The following PCDHA7 variants were observed in gnomAD, a reference collection of about 807,000 sequenced individuals.
PCDHA7 encodes protocadherin alpha 7.
Under a neutral mutation model 57.2 loss-of-function variants are expected in PCDHA7, and 37 were observed. That is an observed-to-expected ratio of 0.65 (90% CI 0.50 to 0.85). The LOEUF (loss-of-function observed/expected upper bound fraction) is 0.85, where lower values mean the gene tolerates loss of function less well. PCDHA7 is among the 40% of genes least tolerant of loss of function. PCDHA7 has a pLI of 0.00. For missense variants in PCDHA7, 1,188 were observed against 1,241.8 expected (o/e 0.96, Z 0.65); for synonymous variants, 553 against 558.8 (o/e 0.99, Z 0.15).
At position 140,835,886 on chromosome 5, in the gene PCDHA7, G is replaced by T. The variant is rs1183512745; in HGVS notation, c.1503G>T (p.Glu501Asp). The change falls in exon 1 of 4, where the codon GAG (glutamate) becomes GAT (aspartate). Residue 501 changes from glutamate (E) to aspartate (D), a missense_variant. Physicochemically the swap from Glu to Asp is conservative, Grantham distance 45. Coordinates refer to ENST00000525929, the MANE Select transcript of PCDHA7 (RefSeq NM_018910.3). Reference sequence around the variant, plus strand: ...CGCTGGTGGAGCTGCGGGTGGGCGAGCGCGCGCTGTCGAGCTACGTGTCAG... The same window carrying T: ...CGCTGGTGGAGCTGCGGGTGGGCGATCGCGCGCTGTCGAGCTACGTGTCAG... ...SYSLVELRVG[E>D]RALSSYVSVH... 1 of 1,611,834 alleles carries T rather than the reference G, an allele frequency of 6.2e-7. No homozygotes were observed. Among genetic ancestry groups the T allele is most frequent in the Admixed American group, 1.7e-5 (1 of 59,978 alleles).
chr5:140,857,928 C>A (rs529968685), intron 1 of PCDHA7: 1 of 1,597,668 alleles, frequency 6.3e-7, no homozygotes, highest in East Asian at 2.2e-5. Flanking sequence ...GGGCTGTACA[C>A]GGGCGAGATC....
chr5:140,979,462 T>C (rs2096852361), intron 2 of PCDHA7, among the ~76,000 whole-genome samples: 1 of 152,304 alleles, frequency 6.6e-6, no homozygotes, highest in East Asian at 1.9e-4. Context: ...CAATAATTGA[T>C]TGCTATTGTT....
chr5:140,900,780 C>T (rs1554189418), intron 1 of PCDHA7, among the ~76,000 whole-genome samples: 1 of 152,192 alleles, frequency 6.6e-6, no homozygotes, highest in Admixed American at 6.5e-5. Flanking sequence ...TTTGAGGAAA[C>T]TCCAAACTGT....
intron 1 of PCDHA7, among the ~76,000 whole-genome samples, chr5:140,890,049 G>T (rs1488374417): frequency 1.3e-5 from 2 of 152,158 alleles, no homozygotes; most frequent in Non-Finnish European, 2.9e-5. Flanking sequence ...GTGTGTTGGA[G>T]CTGGCTCTTT....
chr5:140,882,539 G>C (rs1303287274), intron 1 of PCDHA7: 2 of 1,614,110 alleles, frequency 1.2e-6, no homozygotes. Context: ...TTCTCGGATC[G>C]ACCGCGAGGA....
chr5:141,000,913 A>G (rs967026969), intron 3 of PCDHA7, among the ~76,000 whole-genome samples: 1 of 152,218 alleles, frequency 6.6e-6, no homozygotes, highest in African/African-American at 2.4e-5. Context: ...GTCTCTAAAA[A>G]AAAAAATCCT....
intron 1 of PCDHA7, chr5:140,966,480 TC>T: frequency 2.3e-6 from 1 of 431,902 alleles, no homozygotes; most frequent in Admixed American, 4.4e-5. Flanking sequence ...TGTTTCCTTT[TC>T]CCTCCCCCTG....
intron 1 of PCDHA7, among the ~76,000 whole-genome samples, chr5:140,916,262 G>C (rs1379588605): frequency 6.6e-6 from 1 of 152,202 alleles, no homozygotes; most frequent in Non-Finnish European, 1.5e-5. Flanking sequence ...GACCCCAAGA[G>C]CATGCTTGTT....
At chr5:140,967,029 G>T in intron 1 of PCDHA7, 1 of 1,609,056 alleles carries the variant, frequency 6.2e-7, no homozygotes, top group Non-Finnish European at 8.5e-7. Context: ...CCCAGTCCGC[G>T]CTACCTGGAG....
intron 1 of PCDHA7, chr5:140,857,557 G>A: frequency 6.3e-7 from 1 of 1,596,936 alleles, no homozygotes; most frequent in Non-Finnish European, 8.6e-7. Flanking sequence ...AGCGCTCGCT[G>A]TCGAGCTACG....
At chr5:140,967,695 T>G in intron 1 of PCDHA7, 1 of 1,614,184 alleles carries the variant, frequency 6.2e-7, no homozygotes, top group Non-Finnish European at 8.5e-7. Flanking sequence ...CTCTTCAGCA[T>G]AGATGCCAGT....
chr5:140,877,561 A>G (rs1582392588), intron 1 of PCDHA7: 1 of 1,613,748 alleles, frequency 6.2e-7, no homozygotes. Flanking sequence ...GGTGGATATT[A>G]ACGTGTACCT....
At chr5:140,906,963 G>C (rs150934602) in intron 1 of PCDHA7, among the ~76,000 whole-genome samples, 2 of 152,216 alleles carry the variant, frequency 1.3e-5, no homozygotes, top group African/African-American at 4.8e-5. Context: ...TAATGGAATC[G>C]TGGTTGTGTC....
chr5:140,849,954 A>G, intron 1 of PCDHA7: 1 of 1,597,790 alleles, frequency 6.3e-7, no homozygotes, highest in Non-Finnish European at 8.6e-7. Context: ...CGCGCAGGAG[A>G]ACGCCCTGGT....
chr5:140,877,256 G>C lies in PCDHA7; in HGVS notation c.2355+40518G>C, dbSNP rs782364296. 2.5e-6 allele frequency: 4 copies of C among 1,613,628 alleles called. No homozygotes were observed. In the African/African-American group the frequency reaches 5.3e-5, roughly 22 times the overall value. On this transcript the variant is annotated intron_variant, in intron 1 of 3. Transcript: ENST00000525929. Reference sequence around the variant, plus strand: ...GCGGGCCACGTGGTGGCGAAAGTGCGCGCGGTGGACGCTGACTCCGGCTAT... The same window carrying C: ...GCGGGCCACGTGGTGGCGAAAGTGCCCGCGGTGGACGCTGACTCCGGCTAT...
intron 1 of PCDHA7, chr5:140,856,766 A>C: frequency 1.3e-6 from 2 of 1,596,904 alleles, no homozygotes. Context: ...TAACGCCCCT[A>C]TCTTTGACAG....
At chr5:140,842,362 C>T (rs2150334597) in intron 1 of PCDHA7, 4 of 1,607,598 alleles carry the variant, frequency 2.5e-6, no homozygotes, top group Middle Eastern at 1.7e-4. Flanking sequence ...ATGATAACGT[C>T]CCTGAGATAG....
rs116001450 is a variant in PCDHA7 at position 140,876,617 on chromosome 5, A to G, written c.2355+39879A>G. 182 of 1,614,178 alleles carry G rather than the reference A, an allele frequency of 1.1e-4. No individual in the cohort carries two copies. The African/African-American group carries it at 2.3e-3, about 20-fold the overall frequency. ...GTGTCGGATCGTGACTCTGGAGCCAATGGACAGGTCATCTGCTCACTGACA... is the reference window on the plus strand; with the variant it reads ...GTGTCGGATCGTGACTCTGGAGCCAGTGGACAGGTCATCTGCTCACTGACA... On this transcript the variant is annotated intron_variant, in intron 1 of 3. Transcript: ENST00000525929.
intron 1 of PCDHA7, among the ~76,000 whole-genome samples, chr5:140,888,190 A>G (rs2153423083): frequency 6.6e-6 from 1 of 152,280 alleles, no homozygotes; most frequent in East Asian, 1.9e-4. Flanking sequence ...TGTGAATTTT[A>G]CATTGTCGGA....
Sources: gnomAD v4.1 joint callset for allele counts (sites outside exome capture counted in the v4.1 genomes callset) on GRCh38, gnomAD v4.1.1 for gene constraint, MANE v1.5 for transcripts, NCBI Gene and HGNC (gene_info 2026-07-23, HGNC 2026-07-21) for gene names.